SRBD1: variants seen among roughly 807,000 people sequenced by gnomAD.
SRBD1 encodes S1 RNA binding domain 1.
SRBD1 carries 88 observed loss-of-function variants against 115.3 expected under a neutral mutation model. The ratio of observed to expected loss-of-function variants is 0.76; its 90% CI spans 0.64 to 0.91. The LOEUF (loss-of-function observed/expected upper bound fraction) is 0.91. Among genes scored for constraint, SRBD1 ranks in the 40% least tolerant of loss-of-function variants. SRBD1 has a pLI of 0.00. For missense variants in SRBD1, 1,385 were observed against 1,177.4 expected (o/e 1.18, Z -2.58); for synonymous variants, 509 against 407.7 (o/e 1.25, Z -2.99).
At chr2:45,602,326 C>T (rs1274126719) in intron 2 of SRBD1, among the ~76,000 whole-genome samples, 1 of 152,118 alleles carries the variant, frequency 6.6e-6, no homozygotes, top group Non-Finnish European at 1.5e-5. Context: ...TCTCTTCTCA[C>T]CTAACTGACA....
At chr2:45,545,894 T>C (rs1672105551) in intron 14 of SRBD1, among the ~76,000 whole-genome samples, 1 of 152,238 alleles carries the variant, frequency 6.6e-6, no homozygotes, top group Admixed American at 6.5e-5. Context: ...CCTAGAATTC[T>C]TCCTGTGTTA....
At chr2:45,446,722 C>T (rs1390507247) in intron 16 of SRBD1, among the ~76,000 whole-genome samples, 3 of 150,552 alleles carry the variant, frequency 2.0e-5, no homozygotes, top group African/African-American at 7.3e-5. Context: ...CCACAGAACA[C>T]CTACAAAAAA....
chr2:45,591,416 C>G (rs1264617779), intron 4 of SRBD1, among the ~76,000 whole-genome samples: 1 of 152,154 alleles, frequency 6.6e-6, no homozygotes, highest in Non-Finnish European at 1.5e-5. Context: ...TTCAGGGAGA[C>G]TGATTTGAGT....
At position 45,432,257 on chromosome 2, in the gene SRBD1, G is replaced by A. The variant is rs1000178456; in HGVS notation, c.2050-12363C>T. 1.1e-4 allele frequency among the ~76,000 whole-genome samples: 16 copies of A among 152,118 alleles called. No homozygotes were observed. The South Asian group carries it at 1.7e-3, about 16-fold the overall frequency. On this transcript the variant is annotated intron_variant, in intron 16 of 20. Coordinates refer to ENST00000263736, the MANE Select transcript of SRBD1 (RefSeq NM_018079.5). ...TTGGTCAGGCTGGTCTTGAACTCCC[G>A]ACCTCAGGTGATCCGCCCACCTCAG...
chr2:45,546,461 G>T, intron 14 of SRBD1: 2 of 608,234 alleles, frequency 3.3e-6, no homozygotes, highest in Non-Finnish European at 4.1e-6. Context: ...CTCACACAAT[G>T]TATAGCCTAG....
intron 16 of SRBD1, among the ~76,000 whole-genome samples, chr2:45,465,443 C>T (rs79327856): frequency 8.6e-5 from 13 of 151,944 alleles, no homozygotes; most frequent in African/African-American, 1.9e-4. Context: ...CACAGACACA[C>T]GAATGTGACA....
chr2:45,513,315 T>G (rs1372547888), intron 14 of SRBD1, among the ~76,000 whole-genome samples: 1 of 152,074 alleles, frequency 6.6e-6, no homozygotes, highest in African/African-American at 2.4e-5. Flanking sequence ...TCAAAAAAGA[T>G]GTCCAGTTAT....
intron 4 of SRBD1, among the ~76,000 whole-genome samples, chr2:45,586,548 A>AT (rs1420019441): frequency 6.6e-6 from 1 of 151,854 alleles, no homozygotes; most frequent in Non-Finnish European, 1.5e-5. Context: ...TTACTTTTTA[A>AT]TTTTTTTATT....
At chr2:45,413,040 G>T in intron 19 of SRBD1, 74 bp downstream of exon 19, 1 of 1,491,444 alleles carries the variant, frequency 6.7e-7, no homozygotes, top group Non-Finnish European at 9.0e-7. Flanking sequence ...TTTCCATTAT[G>T]CCAAAACAAA....
At chr2:45,468,388 C>CTTT (rs80336252) in intron 16 of SRBD1, among the ~76,000 whole-genome samples, 3 of 139,244 alleles carry the variant, frequency 2.2e-5, no homozygotes, top group Non-Finnish European at 3.1e-5. Context: ...CTTCAATGAA[C>CTTT]TTTTTTTTTT....
At chr2:45,472,678 G>C (rs1034566016) in intron 16 of SRBD1, among the ~76,000 whole-genome samples, 21 of 152,198 alleles carry the variant, frequency 1.4e-4, no homozygotes, top group African/African-American at 5.1e-4. Flanking sequence ...ATATTAATAT[G>C]GTATGGTCTA....
At chr2:45,488,409 C>T (rs1670186460) in intron 14 of SRBD1, 78 bp from the exon 15 acceptor site, 1 of 1,231,462 alleles carries the variant, frequency 8.1e-7, no homozygotes, top group Non-Finnish European at 1.2e-6. Flanking sequence ...TGAAACCAGG[C>T]ATTACCAGAA....
At chr2:45,391,035 C>T (rs573959273) in intron 20 of SRBD1, among the ~76,000 whole-genome samples, 2 of 152,258 alleles carry the variant, frequency 1.3e-5, no homozygotes, top group South Asian at 2.1e-4. Context: ...TCTCCGAGAC[C>T]CCATAGGCAT....
At chr2:45,463,680 T>A (rs1326481797) in intron 16 of SRBD1, among the ~76,000 whole-genome samples, 1 of 152,208 alleles carries the variant, frequency 6.6e-6, no homozygotes, top group Non-Finnish European at 1.5e-5. Flanking sequence ...ATTGTTAGTG[T>A]GCCAAATGGT....
intron 14 of SRBD1, among the ~76,000 whole-genome samples, chr2:45,526,571 G>C (rs185897144): frequency 6.6e-6 from 1 of 151,742 alleles, no homozygotes; most frequent in South Asian, 2.1e-4. Context: ...ATTAAAAATC[G>C]CTGAATTATA....
Position 45,602,012 on chromosome 2 carries a change from C to T in SRBD1, c.152G>A (p.Arg51His), listed in dbSNP as rs780524094. Residue 51 changes from arginine to histidine, a missense_variant, in exon 3 of 21, where the codon CGT (arginine) becomes CAT (histidine). Transcript: ENST00000263736. Reference sequence around the variant, plus strand: ...GGATTCCTTGGGAGGGGGCTGTTTACGGCTTCTGGGAACTTTCTTTTGGGG... The same window carrying T: ...GGATTCCTTGGGAGGGGGCTGTTTATGGCTTCTGGGAACTTTCTTTTGGGG... ...WEPQKKVPRS[R>H]KQPPPKESKP... 113 of 1,614,034 alleles carry T rather than the reference C, an allele frequency of 7.0e-5. No homozygotes were observed. In the Middle Eastern group the frequency reaches 1.3e-3, roughly 19 times the overall value.
At chr2:45,405,942 C>T (rs1031229261) in intron 19 of SRBD1, among the ~76,000 whole-genome samples, 2 of 152,080 alleles carry the variant, frequency 1.3e-5, no homozygotes, top group Non-Finnish European at 2.9e-5. Context: ...AAGGTGGCCA[C>T]AGCTTCTAGC....
chr2:45,432,404 T>A (rs1055769864), intron 16 of SRBD1, among the ~76,000 whole-genome samples: 1 of 152,210 alleles, frequency 6.6e-6, no homozygotes, highest in African/African-American at 2.4e-5. Context: ...ACTGTTTCCA[T>A]AATAATGTCT....
At chr2:45,400,018 G>A (rs1667249712) in intron 19 of SRBD1, among the ~76,000 whole-genome samples, 1 of 152,120 alleles carries the variant, frequency 6.6e-6, no homozygotes, top group African/African-American at 2.4e-5. Flanking sequence ...AGAGGTAGAG[G>A]ACTCTTCCTT....
Sources: allele counts gnomAD v4.1 joint callset (sites outside exome capture counted in the v4.1 genomes callset), GRCh38; gene constraint gnomAD v4.1.1; transcripts MANE v1.5; gene names NCBI Gene and HGNC (gene_info 2026-07-23, HGNC 2026-07-21).